The following DNAH7 variants were observed in gnomAD, a reference collection of about 807,000 sequenced individuals.
The protein encoded by DNAH7 is dynein axonemal heavy chain 7.
In DNAH7, 397 loss-of-function variants were observed where a neutral mutation model predicts 444.6. The observed-to-expected ratio is 0.89, with a 90% CI of 0.82 to 0.97. The LOEUF (loss-of-function observed/expected upper bound fraction) is 0.97, where lower values mean the gene tolerates loss of function less well. DNAH7 is among the 50% of genes least tolerant of loss of function. The pLI is 0.00. For synonymous variants in DNAH7, 1,636 were observed against 1,624.4 expected, an observed-to-expected ratio of 1.01 and a Z score of -0.17; for missense variants, 4,902 against 4,800.8, an observed-to-expected ratio of 1.02 and a Z score of -0.62.
rs1553518206 is a variant in DNAH7, at chr2:195,778,643, A to AAAAAT, written c.10879-659_10879-658insATTTT. ...GAAAAAAAAAAAAAATAAATAAATA[A>AAAAAT]ATATATATATATATATATATATATA... On this transcript the variant is annotated intron_variant, in intron 58 of 64. Coordinates refer to ENST00000312428, the MANE Select transcript of DNAH7 (RefSeq NM_018897.3). Among the ~76,000 whole-genome samples the AAAAAT allele has an allele frequency of 8.9e-5, 5 of 56,218 alleles. 1 individual carries two copies. The highest frequency in any genetic ancestry group is 2.6e-4 in the Admixed American group (1 of 3,896). The allele number at this position is 56,218 out of a possible 152,430, so 36.9% of individuals were successfully genotyped here. A position where few individuals can be genotyped will look rare whatever the true frequency, so the allele number is the denominator to read the frequency against.
chr2:195,819,405 T>C (rs1697361089), intron 49 of DNAH7, among the ~76,000 whole-genome samples: 1 of 152,182 alleles, frequency 6.6e-6, no homozygotes, highest in Non-Finnish European at 1.5e-5. Context: ...ACAAACTTAT[T>C]GAATGAACAA....
At chr2:195,856,883 A>T (rs1393614086) in intron 44 of DNAH7, among the ~76,000 whole-genome samples, 1 of 152,140 alleles carries the variant, frequency 6.6e-6, no homozygotes, top group African/African-American at 2.4e-5. Flanking sequence ...TGAATGAAGA[A>T]GCAGATTTTG....
At chr2:195,780,030 T>C (rs978839608) in intron 58 of DNAH7, among the ~76,000 whole-genome samples, 1 of 152,204 alleles carries the variant, frequency 6.6e-6, no homozygotes, top group Non-Finnish European at 1.5e-5. Flanking sequence ...CTTTAGTGTA[T>C]AGAATTTTTA....
intron 10 of DNAH7, among the ~76,000 whole-genome samples, chr2:196,010,341 G>C (rs183735522): frequency 1.3e-5 from 2 of 152,012 alleles, no homozygotes; most frequent in East Asian, 3.9e-4. Flanking sequence ...GTAGAGATAG[G>C]GTTTCACCAT....
intron 27 of DNAH7, chr2:195,903,942 T>C (rs1686859795): frequency 6.6e-6 from 1 of 152,044 alleles, no homozygotes; most frequent in Non-Finnish European, 1.5e-5. Context: ...TGACCTGTGG[T>C]AGCAGGATTA....
In DNAH7 at chr2:195,956,954, G is replaced by A. The variant is rs892714900; in HGVS notation, c.3078+307C>T. Among the ~76,000 whole-genome samples, 5 of 152,194 alleles carry A rather than the reference G, an allele frequency of 3.3e-5. 1 individual carries two copies. The highest frequency in any genetic ancestry group is 1.3e-4 in the Admixed American group (2 of 15,288). On this transcript the variant is annotated intron_variant, in intron 19 of 64. Coordinates refer to ENST00000312428, the MANE Select transcript of DNAH7 (RefSeq NM_018897.3). The stretch of plus-strand genomic sequence containing the variant: ...ATAACAAGAGAGCCACAGAATAGAC[G>A]GAGACAGCAAGTACCTCGTACAGTG...
At chr2:195,883,175 C>T (rs1197592032) in intron 35 of DNAH7, among the ~76,000 whole-genome samples, 4 of 152,118 alleles carry the variant, frequency 2.6e-5, no homozygotes, top group African/African-American at 7.2e-5. Flanking sequence ...TGGCCGGGCA[C>T]GGTGGCTCAC....
chr2:195,961,016 A>G lies in DNAH7; in HGVS notation c.2206-71T>C, dbSNP rs115371393. 2,343 of 1,288,790 alleles carry G rather than the reference A, an allele frequency of 1.8e-3. 38 individuals carry two copies. The African/African-American group carries it at 0.032, about 18-fold the overall frequency. 79.8% of individuals were successfully genotyped at this position (1,288,790 alleles called of 1,614,324 possible). On this transcript the variant is annotated intron_variant, in intron 17 of 64. Coordinates refer to ENST00000312428, the MANE Select transcript of DNAH7 (RefSeq NM_018897.3). ...GATACTGCAAATTAAGTTTTTTTAA[A>G]TATCTATTTCAAATGTGAGCCAAAA... is the stretch of plus-strand genomic sequence containing the variant.
chr2:195,770,035 A>G (rs1694762501), intron 61 of DNAH7, among the ~76,000 whole-genome samples: 1 of 152,188 alleles, frequency 6.6e-6, no homozygotes, highest in Non-Finnish European at 1.5e-5. Context: ...TGCTTAGGCC[A>G]AACATTTAGG....
At chr2:195,909,905 T>C in intron 25 of DNAH7, 122 bp downstream of exon 25, 1 of 1,030,298 alleles carries the variant, frequency 9.7e-7, no homozygotes, top group Non-Finnish European at 1.4e-6. Context: ...GAGATAGTGC[T>C]TCAATTTTTA....
intron 43 of DNAH7, 58 bp from the exon 44 acceptor site, chr2:195,857,781 A>G (rs2125064681): frequency 7.1e-7 from 1 of 1,405,922 alleles, no homozygotes; most frequent in South Asian, 1.5e-5. Flanking sequence ...AGTAATTGTA[A>G]GTGGTTCCTA....
chr2:195,839,613 T>A (rs1698562013), intron 47 of DNAH7, among the ~76,000 whole-genome samples: 1 of 151,668 alleles, frequency 6.6e-6, no homozygotes, highest in South Asian at 2.1e-4. Context: ...TTTATCAAAC[T>A]CTAGCCAGAT....
At chr2:196,061,392 CAG>C (rs1698126110) in intron 1 of DNAH7, among the ~76,000 whole-genome samples, 1 of 152,150 alleles carries the variant, frequency 6.6e-6, no homozygotes, top group African/African-American at 2.4e-5. Context: ...TCTCTCTACT[CAG>C]AGGTCAAATA....
chr2:195,902,647 T>C (rs1330368280), intron 27 of DNAH7: 1 of 152,158 alleles, frequency 6.6e-6, no homozygotes, highest in Admixed American at 6.6e-5. Context: ...CTCTTAGCAC[T>C]GTTAGCAATA....
At chr2:195,745,230 C>A (rs576493880) in intron 63 of DNAH7, among the ~76,000 whole-genome samples, 2,749 of 151,976 alleles carry the variant, frequency 0.018, 79 homozygotes, top group African/African-American at 0.062. Flanking sequence ...GGAGCCGATG[C>A]GATCAACTGG....
rs1699839167 is a variant in DNAH7 at position 195,858,440 on chromosome 2, A to T, written c.8067+34T>A. 3 of 1,492,972 alleles carry T rather than the reference A, an allele frequency of 2.0e-6. No homozygotes were observed. In the East Asian group the frequency reaches 6.8e-5, roughly 34 times the overall value. The allele number at this position is 1,492,972 out of a possible 1,614,324, so 92.5% of individuals were successfully genotyped here. ...AATTTCTTTCTTGGGCTATGATGAC[A>T]TGTGTCCTAGAAAGTGTATGGCGAA... is the stretch of plus-strand genomic sequence containing the variant. On this transcript the variant is annotated intron_variant, in intron 43 of 64. Coordinates refer to ENST00000312428, the MANE Select transcript of DNAH7 (RefSeq NM_018897.3).
In DNAH7 at chr2:195,845,012, T is replaced by C; in HGVS notation, c.8935A>G (p.Ile2979Val). ...AAATATTTTTCTTACATTATGATTA[T>C]CCCATTATCAATGGAAAATGAGTCA... ...PSDSFSIDNG[I>V]IIMNARRWPL... The change falls in exon 47 of 65, where the codon ATA (isoleucine) becomes GTA (valine). Residue 2979 changes from isoleucine (I) to valine (V), a missense_variant. Physicochemically the swap from Ile to Val is conservative, Grantham distance 29. Coordinates refer to ENST00000312428, the MANE Select transcript of DNAH7 (RefSeq NM_018897.3). The C allele has an allele frequency of 6.2e-7, 1 of 1,613,122 alleles. No individual in the cohort carries two copies. Among genetic ancestry groups the C allele is most frequent in the Non-Finnish European group, 8.5e-7 (1 of 1,179,576 alleles).
chr2:195,883,012 T>G (rs190148107), intron 35 of DNAH7, among the ~76,000 whole-genome samples: 410 of 152,178 alleles, frequency 2.7e-3, no homozygotes, highest in Non-Finnish European at 4.1e-3. Flanking sequence ...TTTTTCGGGG[T>G]GTTAAATTCA....
chr2:195,913,067 GAAAT>G, intron 24 of DNAH7, among the ~76,000 whole-genome samples: 1 of 152,032 alleles, frequency 6.6e-6, no homozygotes, highest in African/African-American at 2.4e-5. Context: ...TCAGGAATGA[GAAAT>G]ATTTATTTAA....
Sources: allele counts gnomAD v4.1 joint callset (sites outside exome capture counted in the v4.1 genomes callset), GRCh38; gene constraint gnomAD v4.1.1; transcripts MANE v1.5; gene names NCBI Gene and HGNC (gene_info 2026-07-23, HGNC 2026-07-21).